NHERF2: variants seen among roughly 807,000 people sequenced by gnomAD.
The protein encoded by NHERF2 is NHERF family PDZ scaffold protein 2.
chr16:2,037,934 G>A, the NHERF2 span: 6 of 1,613,310 alleles, frequency 3.7e-6, no homozygotes, highest in Non-Finnish European at 5.1e-6. Flanking sequence ...CAACAAGCGC[G>A]CGCCACAGAT....
chr16:2,028,852 C>T, the NHERF2 span, among the ~76,000 whole-genome samples: 1 of 152,192 alleles, frequency 6.6e-6, no homozygotes, highest in Admixed American at 6.5e-5. Flanking sequence ...CCAGACACTT[C>T]ACAGGCACCT....
the NHERF2 span, chr16:2,036,504 G>A: frequency 1.9e-6 from 3 of 1,581,884 alleles, no homozygotes; most frequent in African/African-American, 2.7e-5. Context: ...GCTCATTGAG[G>A]TACCGGCCCA....
chr16:2,036,475 G>T, the NHERF2 span: 1 of 1,598,566 alleles, frequency 6.3e-7, no homozygotes. Context: ...GCCCGCTCTG[G>T]CCTCCGCGCC....
At chr16:2,038,462 A>G in the NHERF2 span, 1 of 374,992 alleles carries the variant, frequency 2.7e-6, no homozygotes, top group Non-Finnish European at 5.0e-6. Flanking sequence ...AATTGCAATA[A>G]AACAAACCTT....
the NHERF2 span, chr16:2,035,954 A>G: frequency 4.4e-6 from 1 of 227,314 alleles, no homozygotes; most frequent in Non-Finnish European, 8.5e-6. Flanking sequence ...GGGCAGGGGG[A>G]CGCACAGGCA....
chr16:2,033,103 G>A, the NHERF2 span: 2 of 985,266 alleles, frequency 2.0e-6, no homozygotes, highest in African/African-American at 3.5e-5. Context: ...CCTTCCAGCA[G>A]CTTCCTTCCT....
chr16:2,028,851 TC>T, the NHERF2 span, among the ~76,000 whole-genome samples: 1 of 152,128 alleles, frequency 6.6e-6, no homozygotes, highest in African/African-American at 2.4e-5. Context: ...TCCAGACACT[TC>T]ACAGGCACCT....
the NHERF2 span, chr16:2,026,978 CGCGGGCGGCCGGTGGGCA>C: frequency 9.9e-7 from 1 of 1,007,756 alleles, no homozygotes; most frequent in East Asian, 8.0e-5. Flanking sequence ...CGCCCCTGCC[CGCGGGCGGCCGGTGGGCA>C]GCGGGCGCCA....
chr16:2,029,751 C>T, the NHERF2 span: 1 of 1,553,576 alleles, frequency 6.4e-7, no homozygotes, highest in Non-Finnish European at 8.7e-7. Flanking sequence ...TGGGCACACA[C>T]CGGCAGCCAC....
the NHERF2 span, among the ~76,000 whole-genome samples, chr16:2,034,995 CTAATT>C: frequency 6.6e-6 from 1 of 152,108 alleles, no homozygotes; most frequent in Admixed American, 6.5e-5. Flanking sequence ...CTTGCACCCT[CTAATT>C]CAGCCCATGT....
the NHERF2 span, chr16:2,033,203 A>G: frequency 1.4e-5 from 21 of 1,477,076 alleles, no homozygotes; most frequent in Admixed American, 4.3e-4. Flanking sequence ...CCTGCTCCCC[A>G]GAGTGACTCA....
At chr16:2,030,666 C>G in the NHERF2 span, among the ~76,000 whole-genome samples, 1 of 143,524 alleles carries the variant, frequency 7.0e-6, no homozygotes, top group South Asian at 2.2e-4. Flanking sequence ...TGGCCGGGTG[C>G]GGTGGCTCAC....
At chr16:2,029,184 CAGAT>C in the NHERF2 span, among the ~76,000 whole-genome samples, 3 of 152,324 alleles carry the variant, frequency 2.0e-5, no homozygotes, top group East Asian at 1.9e-4. Flanking sequence ...GACTTTGAAA[CAGAT>C]GGATGCATGC....
At chr16:2,034,792 C>T in the NHERF2 span, among the ~76,000 whole-genome samples, 1 of 148,360 alleles carries the variant, frequency 6.7e-6, no homozygotes, top group Non-Finnish European at 1.5e-5. Context: ...CACTTCCCCT[C>T]CCGAACTGGA....
the NHERF2 span, chr16:2,038,149 G>T: frequency 1.3e-6 from 1 of 799,650 alleles, no homozygotes; most frequent in Non-Finnish European, 2.0e-6. Context: ...TGCCCACCAG[G>T]TACTGGGGGC....
At chr16:2,036,625 CGGT>C in the NHERF2 span, 2 of 1,540,040 alleles carry the variant, frequency 1.3e-6, no homozygotes, top group South Asian at 2.4e-5. Context: ...CCTGCTGCCT[CGGT>C]GGGCGGTGGC....
At chr16:2,036,099 G>A in the NHERF2 span, 2 of 516,192 alleles carry the variant, frequency 3.9e-6, no homozygotes, top group Non-Finnish European at 6.8e-6. Context: ...AAGGCGGCTG[G>A]GCCCGTCGGG....
At chr16:2,027,268 C>A in the NHERF2 span, 3 of 1,152,078 alleles carry the variant, frequency 2.6e-6, no homozygotes, top group Non-Finnish European at 3.3e-6. Flanking sequence ...CCGAGCGCGT[C>A]CCCCTGGGGC....
At chr16:2,032,275 C>T in the NHERF2 span, among the ~76,000 whole-genome samples, 1 of 152,220 alleles carries the variant, frequency 6.6e-6, no homozygotes, top group Non-Finnish European at 1.5e-5. The surrounding 1 kb of genome is among the most constrained non-coding windows in gnomAD (Gnocchi z 4.0). Context: ...CTGCCTCAGC[C>T]TCCCAAAGTG....
Sources: allele counts gnomAD v4.1 joint callset (sites outside exome capture counted in the v4.1 genomes callset), GRCh38; gene constraint gnomAD v4.1.1; non-coding constraint Gnocchi (gnomAD v3.1); transcripts MANE v1.5; gene names NCBI Gene and HGNC (gene_info 2026-07-23, HGNC 2026-07-21).